PTPRD: variants seen among roughly 807,000 people sequenced by gnomAD.
PTPRD encodes protein tyrosine phosphatase receptor type D.
In PTPRD, 34 loss-of-function variants were observed where a neutral mutation model predicts 214.5. The ratio of observed to expected loss-of-function variants is 0.16; its 90% CI spans 0.12 to 0.21. The LOEUF is 0.21. Ranked by LOEUF, PTPRD falls within the 10% of genes least tolerant of loss-of-function variation. PTPRD has a pLI of 1.00. For synonymous variants in PTPRD, 1,128 were observed against 845.7 expected (o/e 1.33, Z -5.79); for missense variants, 2,545 against 2,398.7 (o/e 1.06, Z -1.27).
rs1820936806 is a variant in PTPRD, at chr9:8,314,867, G to C, written c.*3007C>G. On this transcript the variant is annotated 3_prime_UTR_variant, in exon 46 of 46. Transcript: ENST00000381196. ...GGGCAGTGCATAGTACAAAGGTATAGAAAGTGCAAAGTTCCCTAGAGGCCC... is the reference window on the plus strand; with the variant it reads ...GGGCAGTGCATAGTACAAAGGTATACAAAGTGCAAAGTTCCCTAGAGGCCC... The C allele has an allele frequency of 4.3e-6, 1 of 232,332 alleles. No homozygotes were observed. The highest frequency in any genetic ancestry group is 2.2e-5 in the African/African-American group (1 of 45,234). 14.4% of individuals were successfully genotyped at this position (232,332 alleles called of 1,614,324 possible).
At chr9:10,362,628 T>A (rs148963425) in intron 2 of PTPRD, among the ~76,000 whole-genome samples, 48 of 152,250 alleles carry the variant, frequency 3.2e-4, no homozygotes, top group Non-Finnish European at 5.9e-4. Context: ...ACGCCTGGAA[T>A]CCCAGCACTT....
At chr9:8,973,274 G>A (rs564744492) in intron 11 of PTPRD, among the ~76,000 whole-genome samples, 19 of 151,690 alleles carry the variant, frequency 1.3e-4, no homozygotes, top group Admixed American at 2.0e-4. Context: ...ATGTCCCTGC[G>A]CGCTCAATGT....
intron 10 of PTPRD, among the ~76,000 whole-genome samples, chr9:9,021,218 C>T (rs907914708): frequency 1.3e-5 from 2 of 152,082 alleles, no homozygotes; most frequent in Non-Finnish European, 2.9e-5. Context: ...TGCTGCATAA[C>T]ATATCAGTCA....
chr9:9,086,053 T>G (rs535714172), intron 10 of PTPRD, among the ~76,000 whole-genome samples: 47 of 152,280 alleles, frequency 3.1e-4, no homozygotes, highest in African/African-American at 1.1e-3. Context: ...GTAAATAAAT[T>G]TTCAAGGTGA....
At chr9:9,260,930 A>G (rs953541375) in intron 9 of PTPRD, among the ~76,000 whole-genome samples, 1 of 151,888 alleles carries the variant, frequency 6.6e-6, no homozygotes, top group African/African-American at 2.4e-5. Flanking sequence ...CAGCCCAAAG[A>G]TGAATTACTT....
intron 9 of PTPRD, among the ~76,000 whole-genome samples, chr9:9,236,047 T>C (rs986097305): frequency 2.0e-5 from 3 of 152,188 alleles, no homozygotes; most frequent in African/African-American, 7.2e-5. Flanking sequence ...GTGGATCACC[T>C]GAGGTCAGGA....
chr9:8,460,456 A>G lies in PTPRD; in HGVS notation c.3830T>C (p.Val1277Ala). ...AATGACAATGCAGATGATAAAGACC[A>G]CTGCAAGGACAGGACCTACAACCCA... ...LIWVVGPVLA[V>A]VFIICIVIAI... is the part of the protein sequence containing the mutation. Residue 1277 changes from valine to alanine, a missense_variant, in exon 33 of 46, where the codon GTG becomes GCG. Val to Ala is a moderately conservative substitution (Grantham distance 64, BLOSUM62 0). Coordinates refer to ENST00000381196, the MANE Select transcript of PTPRD (RefSeq NM_002839.4). 1.2e-6 allele frequency: 2 copies of G among 1,613,504 alleles called. No individual in the cohort carries two copies. The highest frequency in any genetic ancestry group is 1.7e-5 in the Admixed American group (1 of 59,946).
intron 3 of PTPRD, among the ~76,000 whole-genome samples, chr9:10,034,793 A>G (rs2097148357): frequency 6.6e-6 from 1 of 152,146 alleles, no homozygotes; most frequent in East Asian, 1.9e-4. Context: ...ATTCCATGAT[A>G]TATATGTAAC....
intron 11 of PTPRD, among the ~76,000 whole-genome samples, chr9:8,743,907 C>T (rs2092449704): frequency 6.6e-6 from 1 of 151,008 alleles, no homozygotes; most frequent in Non-Finnish European, 1.5e-5. Flanking sequence ...GACTAATATC[C>T]AGAATCTACA....
At chr9:8,707,926 C>T (rs2154401248) in intron 12 of PTPRD, among the ~76,000 whole-genome samples, 1 of 152,244 alleles carries the variant, frequency 6.6e-6, no homozygotes, top group Admixed American at 6.5e-5. Flanking sequence ...GTGCAAGTTT[C>T]CTTGTATGTG....
At chr9:8,469,745 A>G (rs775499433) in intron 31 of PTPRD, among the ~76,000 whole-genome samples, 1 of 152,076 alleles carries the variant, frequency 6.6e-6, no homozygotes, top group African/African-American at 2.4e-5. Flanking sequence ...ACACAGCTCC[A>G]ATGATCATCT....
intron 2 of PTPRD, among the ~76,000 whole-genome samples, chr9:10,351,149 TA>T (rs1224124659): frequency 6.6e-6 from 1 of 152,142 alleles, no homozygotes; most frequent in Non-Finnish European, 1.5e-5. Flanking sequence ...CATTAAGCAT[TA>T]AAAGAGAGTT....
At chr9:9,978,115 C>T (rs938103568) in intron 4 of PTPRD, among the ~76,000 whole-genome samples, 1 of 151,886 alleles carries the variant, frequency 6.6e-6, no homozygotes, top group African/African-American at 2.4e-5. Context: ...CACACACACA[C>T]GTGGGAGAAA....
At chr9:8,583,648 A>G (rs1234684325) in intron 14 of PTPRD, among the ~76,000 whole-genome samples, 1 of 152,208 alleles carries the variant, frequency 6.6e-6, no homozygotes, top group Non-Finnish European at 1.5e-5. Context: ...TGTAGGTGTA[A>G]AACCTTTCAT....
At chr9:10,031,213 A>T (rs2154131363) in intron 4 of PTPRD, among the ~76,000 whole-genome samples, 1 of 152,262 alleles carries the variant, frequency 6.6e-6, no homozygotes, top group African/African-American at 2.4e-5. Flanking sequence ...ATTATCTAAC[A>T]GCTGGGTGAC....
intron 10 of PTPRD, among the ~76,000 whole-genome samples, chr9:9,158,899 T>C (rs1052228020): frequency 2.6e-5 from 4 of 152,150 alleles, no homozygotes; most frequent in African/African-American, 9.7e-5. Flanking sequence ...CAAGTATGGT[T>C]CAACATAATG....
chr9:9,077,917 A>G (rs1344360029), intron 10 of PTPRD, among the ~76,000 whole-genome samples: 1 of 152,102 alleles, frequency 6.6e-6, no homozygotes, highest in Non-Finnish European at 1.5e-5. Flanking sequence ...ATCTATTTAC[A>G]TTGAAGCCAT....
At chr9:8,526,714 G>T in intron 16 of PTPRD, 70 bp from the exon 17 acceptor site, 1 of 1,264,708 alleles carries the variant, frequency 7.9e-7, no homozygotes, top group Non-Finnish European at 1.1e-6. Flanking sequence ...AGGAGGCTAG[G>T]GCTGGGGAGA....
chr9:8,944,958 C>T (rs960748785), intron 11 of PTPRD, among the ~76,000 whole-genome samples: 1 of 151,856 alleles, frequency 6.6e-6, no homozygotes, highest in Non-Finnish European at 1.5e-5. Flanking sequence ...GTAGATACCC[C>T]CTTTACTCTG....
Sources: allele counts gnomAD v4.1 joint callset (sites outside exome capture counted in the v4.1 genomes callset), GRCh38; gene constraint gnomAD v4.1.1; transcripts MANE v1.5; gene names NCBI Gene and HGNC (gene_info 2026-07-23, HGNC 2026-07-21).